The following CCDC144A variants were observed in gnomAD, a reference collection of about 807,000 sequenced individuals.
The protein encoded by CCDC144A is coiled-coil domain containing 144A.
Under a neutral mutation model 143.8 loss-of-function variants are expected in CCDC144A, and 41 were observed. The observed-to-expected ratio is 0.29, with a 90% CI of 0.22 to 0.37. The LOEUF (loss-of-function observed/expected upper bound fraction) is 0.37. Ranked by LOEUF, CCDC144A falls within the 10% of genes least tolerant of loss-of-function variation. The pLI is 1.00. For synonymous variants in CCDC144A, 242 were observed against 517.9 expected (o/e 0.47, Z 7.23); for missense variants, 637 against 1,488.8 (o/e 0.43, Z 9.41).
chr17:16,719,806 A>G lies in CCDC144A; in HGVS notation c.1716-392A>G, dbSNP rs527857552. Among the ~76,000 whole-genome samples, 14 of 152,092 alleles carry G rather than the reference A, an allele frequency of 9.2e-5. No individual in the cohort carries two copies. In the East Asian group the frequency reaches 2.7e-3, roughly 29 times the overall value. ...ATAAGAATGTGAGTAATATTTTCCA[A>G]ATAGGTTTTAGTGCCCGTAAAAGCT... On this transcript the variant is annotated intron_variant, in intron 6 of 16. Transcript: ENST00000399273.
intron 6 of CCDC144A, among the ~76,000 whole-genome samples, chr17:16,716,580 T>C (rs1294646508): frequency 6.6e-6 from 1 of 152,252 alleles, no homozygotes; most frequent in East Asian, 1.9e-4. Context: ...ATTGCTATTT[T>C]TGAACAATAT....
the CCDC144A span, among the ~76,000 whole-genome samples, chr17:16,676,015 T>C: frequency 6.6e-6 from 1 of 151,960 alleles, no homozygotes; most frequent in Non-Finnish European, 1.5e-5. Flanking sequence ...TCCAAAGTGC[T>C]GGGATTACAG....
chr17:16,753,308 C>T (rs1429488019), intron 12 of CCDC144A, among the ~76,000 whole-genome samples: 2 of 151,780 alleles, frequency 1.3e-5, no homozygotes, highest in African/African-American at 2.4e-5. Context: ...ATAGAGCTTG[C>T]GTTCAGTCTG....
At chr17:16,691,020 A>T (rs1911033326) in intron 1 of CCDC144A, among the ~76,000 whole-genome samples, 1 of 152,222 alleles carries the variant, frequency 6.6e-6, no homozygotes, top group South Asian at 2.1e-4. Context: ...TACAGCAGAC[A>T]TATTCTACTG....
In CCDC144A at chr17:16,711,136, G is replaced by GAAA. The variant is rs1210697273; in HGVS notation, c.1579-523_1579-521dup. On this transcript the variant is annotated intron_variant, in intron 5 of 16. Transcript: ENST00000399273. ...CTTTTTGATATCCCAGGATTCAAAT[G>GAAA]AAAAAAAAAAAAAAAAAAAAAACAA... 3.8e-3 allele frequency among the ~76,000 whole-genome samples: 82 copies of GAAA among 21,768 alleles called. 7 individuals carry two copies. The highest frequency in any genetic ancestry group is 4.3e-3 in the South Asian group (2 of 464). The allele number at this position is 21,768 out of a possible 152,430, so 14.3% of individuals were successfully genotyped here.
chr17:16,724,075 T>A (rs1169070814), intron 8 of CCDC144A, among the ~76,000 whole-genome samples: 2 of 151,876 alleles, frequency 1.3e-5, no homozygotes, highest in Non-Finnish European at 2.9e-5. Flanking sequence ...CTCTAATTTC[T>A]CTTTGCATCG....
chr17:16,697,102 C>T (rs1369064587), intron 2 of CCDC144A, among the ~76,000 whole-genome samples: 1 of 151,840 alleles, frequency 6.6e-6, no homozygotes, highest in Non-Finnish European at 1.5e-5. Context: ...TGATAAATAT[C>T]CAAATAGATG....
chr17:16,766,147 G>GGA (rs1401979223), intron 15 of CCDC144A: 1 of 152,396 alleles, frequency 6.6e-6, no homozygotes, highest in Non-Finnish European at 1.5e-5. Flanking sequence ...TGAAGCAAAG[G>GGA]GAGGAAGACT....
intron 9 of CCDC144A, among the ~76,000 whole-genome samples, chr17:16,729,991 T>TATATATACACACACACAC (rs1491438660): frequency 8.7e-6 from 1 of 114,886 alleles, no homozygotes; most frequent in African/African-American, 3.3e-5. Context: ...TATATATATA[T>TATATATACACACACACAC]ACACACATAC....
chr17:16,729,360 A>G (rs1454883462), intron 9 of CCDC144A, among the ~76,000 whole-genome samples: 2 of 152,114 alleles, frequency 1.3e-5, no homozygotes, highest in Admixed American at 6.6e-5. Context: ...GCATTTTTAA[A>G]TATGTTTGTT....
At chr17:16,762,988 C>T (rs1289371111) in intron 14 of CCDC144A, among the ~76,000 whole-genome samples, 1 of 148,056 alleles carries the variant, frequency 6.8e-6, no homozygotes, top group Non-Finnish European at 1.5e-5. Flanking sequence ...TACGACTACT[C>T]TGGACACATT....
chr17:16,706,548 G>A (rs868503089), intron 3 of CCDC144A: 1 of 129,276 alleles, frequency 7.7e-6, no homozygotes, highest in African/African-American at 3.1e-5. Flanking sequence ...GTTGCTGCCT[G>A]TCATGCTCTC....
At chr17:16,703,928 C>T (rs1336308830) in intron 2 of CCDC144A, among the ~76,000 whole-genome samples, 1 of 152,160 alleles carries the variant, frequency 6.6e-6, no homozygotes, top group Non-Finnish European at 1.5e-5. Context: ...ATGAAAAGCT[C>T]CACTGTACAC....
chr17:16,697,495 A>G (rs1911483490), intron 2 of CCDC144A, among the ~76,000 whole-genome samples: 2 of 152,214 alleles, frequency 1.3e-5, no homozygotes, highest in South Asian at 4.1e-4. Flanking sequence ...AACAAAAGAA[A>G]CATTTGCATT....
At chr17:16,736,211 C>T (rs1597570743) in intron 12 of CCDC144A, among the ~76,000 whole-genome samples, 1 of 149,884 alleles carries the variant, frequency 6.7e-6, no homozygotes, top group East Asian at 1.9e-4. Flanking sequence ...TTGTTATGAC[C>T]TCTCAATTCT....
At chr17:16,729,799 T>C (rs3101950) in intron 9 of CCDC144A, among the ~76,000 whole-genome samples, 40,801 of 147,516 alleles carry the variant, frequency 0.28, 6,580 homozygotes, top group African/African-American at 0.45. Flanking sequence ...GTGATTCTCC[T>C]ACCTTGGCCT....
chr17:16,673,367 T>C, the CCDC144A span, among the ~76,000 whole-genome samples: 2 of 151,888 alleles, frequency 1.3e-5, no homozygotes, highest in African/African-American at 4.8e-5. Context: ...ATTTAATACA[T>C]GTATCAAAAA....
chr17:16,742,473 C>T (rs1914301789), intron 12 of CCDC144A, among the ~76,000 whole-genome samples: 1 of 152,086 alleles, frequency 6.6e-6, no homozygotes, highest in South Asian at 2.1e-4. Context: ...TGTTGATGAA[C>T]ATTTAGGTTG....
In CCDC144A at chr17:16,746,566, A is replaced by C. The variant is rs2003884; in HGVS notation, c.3372+10923A>C. ...CTGGATCTTTGCTGTCAAGGAAGAT[A>C]TATCCATCAAAACGATCTCTAAAAA... On this transcript the variant is annotated intron_variant, in intron 12 of 16. Transcript: ENST00000399273. 7.4e-6 allele frequency: 12 copies of C among 1,612,596 alleles called. No individual in the cohort carries two copies. The Admixed American group carries it at 2.0e-4, about 27-fold the overall frequency.
Sources: gnomAD v4.1 joint callset for allele counts (sites outside exome capture counted in the v4.1 genomes callset) on GRCh38, gnomAD v4.1.1 for gene constraint, MANE v1.5 for transcripts, NCBI Gene and HGNC (gene_info 2026-07-23, HGNC 2026-07-21) for gene names.